Variants in FBN1 observed in about 807,000 individuals in gnomAD.
FBN1 encodes fibrillin-1.
FBN1 carries 29 observed loss-of-function variants against 365.1 expected under a neutral mutation model. That is an observed-to-expected ratio of 0.08 (90% CI 0.06 to 0.11). The LOEUF is 0.11. FBN1 is among the 10% of genes least tolerant of loss of function. FBN1 has a pLI of 1.00. For synonymous variants in FBN1, 1,210 were observed against 1,270.5 expected (o/e 0.95, Z 1.01); for missense variants, 2,476 against 3,703.2 (o/e 0.67, Z 8.60).
intron 2 of FBN1, among the ~76,000 whole-genome samples, chr15:48,617,325 C>T (rs1889676929): frequency 6.6e-6 from 1 of 152,070 alleles, no homozygotes; most frequent in Admixed American, 6.5e-5. Flanking sequence ...CAGGCACACA[C>T]CACTACACCC....
intron 11 of FBN1, 80 bp from the exon 12 acceptor site, chr15:48,515,607 A>G: frequency 6.4e-7 from 1 of 1,564,820 alleles, no homozygotes; most frequent in Non-Finnish European, 8.8e-7. Flanking sequence ...ATAATGAACA[A>G]GATGTTGAAT....
chr15:48,502,779 T>G (rs1186960727), intron 17 of FBN1, among the ~76,000 whole-genome samples: 1 of 152,224 alleles, frequency 6.6e-6, no homozygotes, highest in Non-Finnish European at 1.5e-5. Context: ...ATTTTATAAT[T>G]ATGTTTATTA....
At chr15:48,587,518 A>G (rs2044446796) in intron 6 of FBN1, among the ~76,000 whole-genome samples, 1 of 152,120 alleles carries the variant, frequency 6.6e-6, no homozygotes, top group Non-Finnish European at 1.5e-5. Flanking sequence ...TCTCCCACAG[A>G]AGGGCTCCAG....
intron 56 of FBN1, 114 bp from the exon 57 acceptor site, chr15:48,428,585 T>A (rs2043000932): frequency 8.4e-7 from 1 of 1,189,292 alleles, no homozygotes; most frequent in African/African-American, 1.5e-5. Flanking sequence ...CCTCCCTTTG[T>A]TCCTTTCTCC....
At chr15:48,607,301 C>G (rs1363276727) in intron 4 of FBN1, among the ~76,000 whole-genome samples, 1 of 149,462 alleles carries the variant, frequency 6.7e-6, no homozygotes, top group Admixed American at 6.7e-5. Flanking sequence ...TAGGAAACAA[C>G]TTTTATCATG....
intron 2 of FBN1, among the ~76,000 whole-genome samples, chr15:48,626,177 A>G (rs1889873099): frequency 6.6e-6 from 1 of 151,594 alleles, no homozygotes; most frequent in Non-Finnish European, 1.5e-5. Flanking sequence ...GGATCACTTG[A>G]GCCCAGGAGG....
At chr15:48,495,670 A>G (rs2043601669) in intron 20 of FBN1, 82 bp from the exon 21 acceptor site, 2 of 1,550,750 alleles carry the variant, frequency 1.3e-6, no homozygotes, top group East Asian at 4.5e-5. Context: ...CCCAATTGCT[A>G]CTACATATCC....
intron 64 of FBN1, among the ~76,000 whole-genome samples, chr15:48,413,088 T>C (rs2042877222): frequency 6.6e-6 from 1 of 152,212 alleles, no homozygotes; most frequent in Non-Finnish European, 1.5e-5. Flanking sequence ...GGAGGCCATG[T>C]AACTTGGGAG....
chr15:48,623,468 A>T (rs1310536561), intron 2 of FBN1, among the ~76,000 whole-genome samples: 1 of 152,262 alleles, frequency 6.6e-6, no homozygotes, highest in Non-Finnish European at 1.5e-5. Flanking sequence ...TTGAGAAAAT[A>T]CAAAATCAAT....
chr15:48,534,243 C>T, intron 7 of FBN1, 38 bp from the exon 8 acceptor site: 1 of 1,491,244 alleles, frequency 6.7e-7, no homozygotes. Flanking sequence ...AAAAAAAAAA[C>T]TCATATGAAA....
chr15:48,523,096 A>C (rs2043874151), intron 9 of FBN1, among the ~76,000 whole-genome samples: 1 of 152,268 alleles, frequency 6.6e-6, no homozygotes, highest in Admixed American at 6.5e-5. Context: ...TATACTTGGG[A>C]ATTAGTAAAT....
At chr15:48,470,304 T>G (rs1307552844) in intron 36 of FBN1, among the ~76,000 whole-genome samples, 2 of 151,928 alleles carry the variant, frequency 1.3e-5, no homozygotes, top group Non-Finnish European at 1.5e-5. Context: ...GGGCATGGCC[T>G]CCAAAACGAA....
rs892538140 is a variant in FBN1, at chr15:48,412,874, C to A, written c.8052-131G>T. 6 of 1,078,850 alleles carry A rather than the reference C, an allele frequency of 5.6e-6. No homozygotes were observed. The Admixed American group carries it at 1.1e-4, about 20-fold the overall frequency. 66.8% of individuals were successfully genotyped at this position (1,078,850 alleles called of 1,614,324 possible). A position where few individuals can be genotyped will look rare whatever the true frequency, so the allele number is the denominator to read the frequency against. ...CCTTGCTTGTCCACTGGAGGATCAG[C>A]TAGTTCTGAGAACTACATTGAGGTC... On this transcript the variant is annotated intron_variant, in intron 64 of 65. Coordinates refer to ENST00000316623, the MANE Select transcript of FBN1 (RefSeq NM_000138.5).
At chr15:48,630,477 T>C (rs774169636) in intron 2 of FBN1, among the ~76,000 whole-genome samples, 4 of 152,202 alleles carry the variant, frequency 2.6e-5, no homozygotes, top group Non-Finnish European at 5.9e-5. Context: ...AATTAGACCC[T>C]GCTGTCTTCT....
At chr15:48,614,206 T>G (rs1267298687) in intron 2 of FBN1, among the ~76,000 whole-genome samples, 2 of 152,242 alleles carry the variant, frequency 1.3e-5, no homozygotes, top group Non-Finnish European at 2.9e-5. Flanking sequence ...TAAGCATTGA[T>G]GCTAGCTGCT....
At chr15:48,534,963 A>C (rs2044002788) in intron 7 of FBN1, among the ~76,000 whole-genome samples, 1 of 152,152 alleles carries the variant, frequency 6.6e-6, no homozygotes, top group African/African-American at 2.4e-5. Context: ...GGGGAGTTCG[A>C]CATGACTTCT....
chr15:48,634,202 T>C (rs1320727690), intron 2 of FBN1, among the ~76,000 whole-genome samples: 2 of 152,178 alleles, frequency 1.3e-5, no homozygotes, highest in East Asian at 3.8e-4. Flanking sequence ...AATAAACCAT[T>C]AGTTACAAGA....
At chr15:48,532,488 G>GTA (rs2043981422) in intron 8 of FBN1, among the ~76,000 whole-genome samples, 1 of 148,106 alleles carries the variant, frequency 6.8e-6, no homozygotes, top group African/African-American at 2.5e-5. Flanking sequence ...GTGTGTGTGT[G>GTA]TGTATATATA....
rs575154629 is a variant in FBN1, at chr15:48,544,312, G to T, written c.539-6504C>A. ...CATGGTCTATACAGTGTTATTAAAA[G>T]AATACAACCTTTTGGCAAAATTTAC... On this transcript the variant is annotated intron_variant, in intron 6 of 65. Transcript: ENST00000316623. Among the ~76,000 whole-genome samples the T allele has an allele frequency of 1.8e-4, 28 of 152,140 alleles. 1 individual carries two copies. The highest frequency in any genetic ancestry group is 6.7e-4 in the African/African-American group (28 of 41,522).
Sources: allele counts gnomAD v4.1 joint callset (sites outside exome capture counted in the v4.1 genomes callset), GRCh38; gene constraint gnomAD v4.1.1; transcripts MANE v1.5; gene names NCBI Gene and HGNC (gene_info 2026-07-23, HGNC 2026-07-21).